SPARCL1: variants seen among roughly 807,000 people sequenced by gnomAD.
SPARCL1 encodes the protein SPARC-like protein 1.
Under a neutral mutation model 67.1 loss-of-function variants are expected in SPARCL1, and 52 were observed. The observed-to-expected ratio is 0.78, with a 90% CI of 0.62 to 0.98. The LOEUF (loss-of-function observed/expected upper bound fraction) is 0.98, where lower values mean the gene tolerates loss of function less well. Among genes scored for constraint, SPARCL1 ranks in the 50% least tolerant of loss-of-function variants. The pLI is 0.00. For synonymous variants in SPARCL1, 226 were observed against 267.8 expected, an observed-to-expected ratio of 0.84 and a Z score of 1.52; for missense variants, 717 against 782.4, an observed-to-expected ratio of 0.92 and a Z score of 1.00.
chr4:87,488,422 G>A (rs774621103), intron 7 of SPARCL1, among the ~76,000 whole-genome samples: 2 of 152,186 alleles, frequency 1.3e-5, no homozygotes, highest in Non-Finnish European at 2.9e-5. Context: ...CACCAGCAGA[G>A]GCTTCAGAAC....
Position 87,493,840 on chromosome 4 carries a change from C to T in SPARCL1, c.960G>A (p.Leu320=). 6.2e-7 allele frequency: 1 copy of T among 1,614,168 alleles called. No homozygotes were observed. Among genetic ancestry groups the T allele is most frequent in the Non-Finnish European group, 8.5e-7 (1 of 1,180,022 alleles). ...ETEEKTVSEA[L]LMEPTDDGNT... ...TACCATCATCAGTAGGTTCCATGAGCAGAGCCTCAGAAACAGTCTTTTCTT... is the reference window on the plus strand; with the variant it reads ...TACCATCATCAGTAGGTTCCATGAGTAGAGCCTCAGAAACAGTCTTTTCTT... The change falls in exon 4 of 11, where the codon CTG becomes CTA. Residue 320 remains leucine, a synonymous_variant. Transcript: ENST00000282470.
At chr4:87,487,165 T>C (rs1229641489) in intron 7 of SPARCL1, among the ~76,000 whole-genome samples, 3 of 152,024 alleles carry the variant, frequency 2.0e-5, no homozygotes, top group Non-Finnish European at 4.4e-5. Flanking sequence ...TGCCTATTAG[T>C]TGATGCAGTT....
At chr4:87,524,558 C>T (rs909857915) in intron 1 of SPARCL1, among the ~76,000 whole-genome samples, 2 of 152,230 alleles carry the variant, frequency 1.3e-5, no homozygotes, top group Non-Finnish European at 2.9e-5. Context: ...ACCGCTTATT[C>T]ACCATGATTG....
At chr4:87,500,945 C>T (rs1004068593) in intron 1 of SPARCL1, among the ~76,000 whole-genome samples, 2 of 152,176 alleles carry the variant, frequency 1.3e-5, no homozygotes, top group Non-Finnish European at 2.9e-5. Flanking sequence ...TGTTGAACCA[C>T]ACTGACATTT....
At chr4:87,479,772 T>G (rs6837088) in intron 9 of SPARCL1, among the ~76,000 whole-genome samples, 194 bp from the exon 10 acceptor site, 77,509 of 152,048 alleles carry the variant, frequency 0.51, 22,408 homozygotes, top group African/African-American at 0.79. Context: ...GATTCACAAG[T>G]TTTCTGTCTT....
At chr4:87,515,694 T>C (rs1372413837) in intron 1 of SPARCL1, among the ~76,000 whole-genome samples, 1 of 152,140 alleles carries the variant, frequency 6.6e-6, no homozygotes, top group Non-Finnish European at 1.5e-5. Flanking sequence ...ATAGAGAACA[T>C]CCAGCATTTG....
At chr4:87,480,595 CTT>C in intron 8 of SPARCL1, 75 bp from the exon 9 acceptor site, 1 of 1,393,890 alleles carries the variant, frequency 7.2e-7, no homozygotes, top group Non-Finnish European at 9.8e-7. Context: ...ATAAACTTTA[CTT>C]GAAGAGTGAC....
intron 2 of SPARCL1, chr4:87,497,269 T>C (rs1724656772): frequency 1.0e-6 from 1 of 969,240 alleles, no homozygotes; most frequent in Admixed American, 6.2e-5. Context: ...TGAAAAAGTT[T>C]ATAAAGAAGC....
intron 1 of SPARCL1, among the ~76,000 whole-genome samples, chr4:87,505,385 C>A (rs1199536721): frequency 6.6e-6 from 1 of 151,822 alleles, no homozygotes; most frequent in Non-Finnish European, 1.5e-5. Flanking sequence ...ACTCTATTAG[C>A]GATGATAATT....
chr4:87,518,571 T>G (rs527775807), intron 1 of SPARCL1, among the ~76,000 whole-genome samples: 25 of 152,340 alleles, frequency 1.6e-4, no homozygotes, highest in African/African-American at 6.0e-4. Context: ...CCTATGCCTA[T>G]CCAAAAAGCT....
In SPARCL1 at chr4:87,490,816, G is replaced by GT; in HGVS notation, c.1353dup (p.Pro452ThrfsTer18). 6.2e-7 allele frequency: 1 copy of GT among 1,612,912 alleles called. No individual in the cohort carries two copies. Among genetic ancestry groups the GT allele is most frequent in the Non-Finnish European group, 8.5e-7 (1 of 1,179,348 alleles). On this transcript the variant is annotated frameshift_variant, in exon 6 of 11. Coordinates refer to ENST00000282470, the MANE Select transcript of SPARCL1 (RefSeq NM_004684.6). LOFTEE classifies it high-confidence loss of function. ...ACTGGATCCTGGCAGACACAGTGAG[G>GT]TTTTCCCTGTTGGTCTGCCTTACAG...
chr4:87,489,244 T>A lies in SPARCL1; in HGVS notation c.1531+1029A>T, dbSNP rs143955282. 6.2e-4 allele frequency among the ~76,000 whole-genome samples: 94 copies of A among 152,314 alleles called. No individual in the cohort carries two copies. The Middle Eastern group carries it at 0.01, about 17-fold the overall frequency. On this transcript the variant is annotated intron_variant, in intron 7 of 10. Coordinates refer to ENST00000282470, the MANE Select transcript of SPARCL1 (RefSeq NM_004684.6). Reference sequence around the variant, plus strand: ...GTAGGCACCCGAAGGAATCTCCTGGTCTGTGGATTGCGAAGACTGTGGGAA... The same window carrying A: ...GTAGGCACCCGAAGGAATCTCCTGGACTGTGGATTGCGAAGACTGTGGGAA...
At chr4:87,504,183 G>GTGT (rs1553970309) in intron 1 of SPARCL1, among the ~76,000 whole-genome samples, 757 of 94,118 alleles carry the variant, frequency 8.0e-3, no homozygotes, top group Middle Eastern at 0.013. Context: ...GTGTGTGTGT[G>GTGT]GTGGGGTGGG....
chr4:87,507,680 C>T (rs1725155177), intron 1 of SPARCL1, among the ~76,000 whole-genome samples: 1 of 152,190 alleles, frequency 6.6e-6, no homozygotes, highest in South Asian at 2.1e-4. Context: ...AGCTGAGTGT[C>T]CTCCAAATGA....
intron 1 of SPARCL1, among the ~76,000 whole-genome samples, chr4:87,505,871 T>A (rs536541961): frequency 6.6e-6 from 1 of 152,244 alleles, no homozygotes; most frequent in African/African-American, 2.4e-5. Flanking sequence ...ATATTTTAGA[T>A]CAGTATGTTA....
At chr4:87,490,695 A>G in intron 6 of SPARCL1, 65 bp downstream of exon 6, 2 of 1,133,890 alleles carry the variant, frequency 1.8e-6, no homozygotes, top group Non-Finnish European at 1.3e-6. Flanking sequence ...TTTCAATGGC[A>G]AATATTTTTA....
At chr4:87,480,837 T>TA in intron 8 of SPARCL1, among the ~76,000 whole-genome samples, 1 of 150,470 alleles carries the variant, frequency 6.6e-6, no homozygotes, top group South Asian at 2.1e-4. Flanking sequence ...TTTTTTTTTT[T>TA]AAACTATGAG....
chr4:87,489,683 C>T (rs1724230467), intron 7 of SPARCL1, among the ~76,000 whole-genome samples: 1 of 152,128 alleles, frequency 6.6e-6, no homozygotes, highest in Admixed American at 6.5e-5. Context: ...TTTCACATTT[C>T]CCTGGACAAA....
At chr4:87,507,910 G>A (rs1408609260) in intron 1 of SPARCL1, among the ~76,000 whole-genome samples, 1 of 152,144 alleles carries the variant, frequency 6.6e-6, no homozygotes, top group East Asian at 1.9e-4. Flanking sequence ...TAGATTTACT[G>A]GTTTATAATA....
Sources: gnomAD v4.1 joint callset for allele counts (sites outside exome capture counted in the v4.1 genomes callset) on GRCh38, gnomAD v4.1.1 for gene constraint, MANE v1.5 for transcripts, NCBI Gene and HGNC (gene_info 2026-07-23, HGNC 2026-07-21) for gene names.